The following JADE2 variants were observed in gnomAD, a reference collection of about 807,000 sequenced individuals.
JADE2 encodes E3 ubiquitin-protein ligase Jade-2.
A neutral mutation model predicts 85.7 loss-of-function variants in JADE2; 13 were observed. The ratio of observed to expected loss-of-function variants is 0.15; its 90% confidence interval spans 0.10 to 0.24. The LOEUF (loss-of-function observed/expected upper bound fraction) is 0.24, where lower values mean the gene tolerates loss of function less well. Ranked by LOEUF, JADE2 falls within the 10% of genes least tolerant of loss-of-function variation. JADE2 has a pLI of 1.00. For missense variants in JADE2, 846 were observed against 1,115.9 expected, an observed-to-expected ratio of 0.76 and a Z score of 3.45; for synonymous variants, 440 against 456.1, an observed-to-expected ratio of 0.96 and a Z score of 0.45.
At chr5:134,528,007 G>A (rs1294928136) in intron 1 of JADE2, among the ~76,000 whole-genome samples, 3 of 152,202 alleles carry the variant, frequency 2.0e-5, no homozygotes, top group Admixed American at 6.5e-5. Flanking sequence ...TCATCGAGAG[G>A]TGTCATGTTT....
At chr5:134,542,179 TC>T (rs1561733156) in intron 3 of JADE2, among the ~76,000 whole-genome samples, 1 of 152,222 alleles carries the variant, frequency 6.6e-6, no homozygotes, top group East Asian at 1.9e-4. Flanking sequence ...GCCTATGGCA[TC>T]CCAACAGAGC....
At chr5:134,569,793 C>T (rs1273943552) in intron 9 of JADE2, among the ~76,000 whole-genome samples, 2 of 152,150 alleles carry the variant, frequency 1.3e-5, no homozygotes, top group Non-Finnish European at 2.9e-5. Context: ...TTTGGCCTCC[C>T]ACCAAAGCCA....
rs1050503246 is a variant in JADE2 at position 134,576,641 on chromosome 5, C to T, written c.1553-127C>T. 8.4e-6 allele frequency: 10 copies of T among 1,197,114 alleles called. No homozygotes were observed. The African/African-American group carries it at 1.5e-4, about 18-fold the overall frequency. The allele number at this position is 1,197,114 out of a possible 1,614,324, so 74.2% of individuals were successfully genotyped here. On this transcript the variant is annotated intron_variant, in intron 10 of 11. Coordinates refer to ENST00000681547, the MANE Select transcript of JADE2 (RefSeq NM_001388185.1). Reference sequence around the variant, plus strand: ...CATGCCAGCCATCCCCTAACTCCAACCTTTTTGCTGTGGAGGGTGAGCACT... The same window carrying T: ...CATGCCAGCCATCCCCTAACTCCAATCTTTTTGCTGTGGAGGGTGAGCACT...
Position 134,564,551 on chromosome 5 carries a change from G to A in JADE2, c.910G>A (p.Ala304Thr), listed in dbSNP as rs1426597560. Residue 304 changes from alanine to threonine, a missense_variant, in exon 8 of 12, where the codon GCC (alanine) becomes ACC (threonine). Transcript: ENST00000681547. ...EPITKISHIP[A>T]SRWALSCSLC... is the part of the protein sequence containing the mutation. ...CATCACCAAGATCTCGCATATCCCA[G>A]CCAGCCGCTGGGCTCTGTCCTGCAG... is the stretch of plus-strand genomic sequence containing the variant. 1 of 1,574,770 alleles carries A rather than the reference G, an allele frequency of 6.4e-7. No individual in the cohort carries two copies. Among genetic ancestry groups the A allele is most frequent in the Non-Finnish European group, 8.6e-7 (1 of 1,160,048 alleles).
intron 3 of JADE2, among the ~76,000 whole-genome samples, chr5:134,541,106 T>C (rs1761936169): frequency 6.6e-6 from 1 of 152,224 alleles, no homozygotes; most frequent in Non-Finnish European, 1.5e-5. Flanking sequence ...CTCTGAGGTC[T>C]GCCTGGGAGA....
chr5:134,540,475 C>T (rs920778197), intron 3 of JADE2, among the ~76,000 whole-genome samples: 1 of 151,352 alleles, frequency 6.6e-6, no homozygotes, highest in African/African-American at 2.4e-5. Context: ...CTCAGGCGAT[C>T]CTCCCACCTT....
At chr5:134,561,921 C>T (rs953434913) in intron 6 of JADE2, among the ~76,000 whole-genome samples, 5 of 152,096 alleles carry the variant, frequency 3.3e-5, no homozygotes, top group Admixed American at 6.6e-5. Flanking sequence ...TAGGAACCTC[C>T]GGCTAAACTG....
At chr5:134,570,164 G>T (rs546892303) in intron 9 of JADE2, among the ~76,000 whole-genome samples, 1 of 152,268 alleles carries the variant, frequency 6.6e-6, no homozygotes, top group Non-Finnish European at 1.5e-5. Context: ...ATCCCATAGC[G>T]CTGAGCAGGG....
At chr5:134,561,756 A>T (rs112397642) in intron 6 of JADE2, among the ~76,000 whole-genome samples, 96 of 152,290 alleles carry the variant, frequency 6.3e-4, no homozygotes, top group African/African-American at 2.2e-3. Flanking sequence ...TCTTAGGTTC[A>T]TGTGTCTCAC....
At position 134,582,602 on chromosome 5, in the gene JADE2, G is replaced by A. The variant is rs939519795; in HGVS notation, c.*3285G>A. On this transcript the variant is annotated 3_prime_UTR_variant, in exon 12 of 12. Transcript: ENST00000681547. ...ATTTCTATAGCAAGGCCCTTGGGGA[G>A]GGCACTCTCCCATGCCCTTGGCCTC... 6.5e-5 allele frequency: 10 copies of A among 152,740 alleles called. No individual in the cohort carries two copies. Among genetic ancestry groups the A allele is most frequent in the Non-Finnish European group, 1.5e-4 (10 of 68,042 alleles). The allele number at this position is 152,740 out of a possible 1,614,324, so 9.5% of individuals were successfully genotyped here.
chr5:134,559,511 G>A (rs1380011766), intron 4 of JADE2, among the ~76,000 whole-genome samples: 1 of 152,230 alleles, frequency 6.6e-6, no homozygotes, highest in African/African-American at 2.4e-5. Flanking sequence ...ATGGCAGGAA[G>A]TGGGATGAGC....
intron 3 of JADE2, among the ~76,000 whole-genome samples, chr5:134,545,817 C>T (rs1762266605): frequency 2.6e-5 from 4 of 152,208 alleles, no homozygotes; most frequent in Non-Finnish European, 2.9e-5. Flanking sequence ...ATGAGGTGCT[C>T]AGAAAACAAT....
Position 134,562,163 on chromosome 5 carries a change from A to G in JADE2, c.685-37A>G, listed in dbSNP as rs767864517. ...ACTGCTGACCAGACACAGATTGGCC[A>G]GTTCCGCTGACTCATGACCACCCTG... On this transcript the variant is annotated intron_variant, in intron 6 of 11. Coordinates refer to ENST00000681547, the MANE Select transcript of JADE2 (RefSeq NM_001388185.1). This position sits in a 1 kb window ranked among gnomAD's most constrained non-coding sequence, Gnocchi z 4.6. 1.3e-6 allele frequency: 2 copies of G among 1,564,154 alleles called. No individual in the cohort carries two copies. Among genetic ancestry groups the G allele is most frequent in the Non-Finnish European group, 1.7e-6 (2 of 1,151,852 alleles).
At chr5:134,561,758 G>A (rs1190793973) in intron 6 of JADE2, among the ~76,000 whole-genome samples, 1 of 152,218 alleles carries the variant, frequency 6.6e-6, no homozygotes, top group African/African-American at 2.4e-5. Context: ...TTAGGTTCAT[G>A]TGTCTCACCC....
rs1006980169 is a variant in JADE2 at position 134,578,359 on chromosome 5, A to G, written c.1682-135A>G. 1 of 693,538 alleles carries G rather than the reference A, an allele frequency of 1.4e-6. No individual in the cohort carries two copies. Among genetic ancestry groups the G allele is most frequent in the African/African-American group, 1.8e-5 (1 of 56,438 alleles). 43.0% of individuals were successfully genotyped at this position (693,538 alleles called of 1,614,324 possible). On this transcript the variant is annotated intron_variant, in intron 11 of 11. Transcript: ENST00000681547. This position sits in a 1 kb window ranked among gnomAD's most constrained non-coding sequence, Gnocchi z 4.4. The stretch of plus-strand genomic sequence containing the variant: ...TGGCAGGAGGGATGGACAAAACAAG[A>G]TAGCTCACCTGGGTCTGGCACAGGG...
upstream of JADE2, among the ~76,000 whole-genome samples, chr5:134,525,157 A>G: frequency 6.7e-6 from 1 of 148,486 alleles, no homozygotes; most frequent in Non-Finnish European, 1.5e-5. Flanking sequence ...TTTTAAGTAT[A>G]AGCTCGCTTT....
At chr5:134,568,525 C>G (rs1025230103) in intron 9 of JADE2, among the ~76,000 whole-genome samples, 1 of 152,186 alleles carries the variant, frequency 6.6e-6, no homozygotes, top group Non-Finnish European at 1.5e-5. Context: ...CAGAACACTC[C>G]AGAGTCAGGT....
Position 134,578,792 on chromosome 5 carries a change from T to A in JADE2, c.1980T>A (p.Gly660=). 1 of 1,613,616 alleles carries A rather than the reference T, an allele frequency of 6.2e-7. No homozygotes were observed. Among genetic ancestry groups the A allele is most frequent in the Non-Finnish European group, 8.5e-7 (1 of 1,179,960 alleles). The change falls in exon 12 of 12, where the codon GGT becomes GGA. Residue 660 remains glycine, a synonymous_variant. Transcript: ENST00000681547. The surrounding 1 kb of genome is among the most constrained non-coding windows in gnomAD (Gnocchi z 4.4). The part of the protein sequence containing the change: ...PPPPPPQDGP[G]SRTTPDKAPK... ...CACCACCACCGCAGGACGGGCCTGG[T>A]TCACGGACGACTCCAGACAAAGCCC... is the stretch of plus-strand genomic sequence containing the variant.
rs35277531 is a variant in JADE2, at chr5:134,560,967, C to T, written c.684+10C>T. On this transcript the variant is annotated intron_variant, in intron 6 of 11. Coordinates refer to ENST00000681547, the MANE Select transcript of JADE2 (RefSeq NM_001388185.1). The stretch of plus-strand genomic sequence containing the variant: ...CGTCTGTGTGCATCAGGTGGGCAGA[C>T]CCCCCAGTCACCCTCACCTGTGCCA... 128,658 of 1,605,934 alleles carry T rather than the reference C, an allele frequency of 0.08. 5,869 individuals carry two copies. Among genetic ancestry groups the T allele is most frequent in the Admixed American group, 0.1 (6,049 of 59,766 alleles).
Sources: allele counts gnomAD v4.1 joint callset (sites outside exome capture counted in the v4.1 genomes callset), GRCh38; gene constraint gnomAD v4.1.1; non-coding constraint Gnocchi (gnomAD v3.1); transcripts MANE v1.5; gene names NCBI Gene and HGNC (gene_info 2026-07-23, HGNC 2026-07-21).